Variants in PPHLN1 observed in about 807,000 individuals in gnomAD.
PPHLN1 encodes periphilin 1.
Under a neutral mutation model 51.3 loss-of-function variants are expected in PPHLN1, and 29 were observed. The ratio of observed to expected loss-of-function variants is 0.57; its 90% CI spans 0.42 to 0.77. PPHLN1 has a LOEUF of 0.77. Among genes scored for constraint, PPHLN1 ranks in the 30% least tolerant of loss-of-function variants. The pLI is 0.00. For synonymous variants in PPHLN1, 147 were observed against 147.8 expected (o/e 0.99, Z 0.04); for missense variants, 436 against 438.4 (o/e 0.99, Z 0.05).
intron 4 of PPHLN1, among the ~76,000 whole-genome samples, chr12:42,360,947 A>G (rs937202743): frequency 2.0e-5 from 3 of 152,104 alleles, no homozygotes; most frequent in Non-Finnish European, 4.4e-5. Flanking sequence ...GATACTTTGA[A>G]ACTATGTGAT....
At chr12:42,437,497 T>C (rs1285121954) in intron 9 of PPHLN1, among the ~76,000 whole-genome samples, 1 of 152,198 alleles carries the variant, frequency 6.6e-6, no homozygotes, top group Non-Finnish European at 1.5e-5. Flanking sequence ...TTCACTTTTG[T>C]GTGATTATTT....
intron 8 of PPHLN1, among the ~76,000 whole-genome samples, chr12:42,396,995 A>C (rs11832055): frequency 0.19 from 29,194 of 149,976 alleles, 3,190 homozygotes; most frequent in African/African-American, 0.29. Context: ...CTGTGACTGC[A>C]TCACTGCACT....
chr12:42,370,815 C>G (rs1004576134), intron 4 of PPHLN1, among the ~76,000 whole-genome samples: 2 of 152,130 alleles, frequency 1.3e-5, no homozygotes, highest in African/African-American at 4.8e-5. Context: ...ACTGACAGAT[C>G]AAATGACTTC....
At chr12:42,354,563 T>C (rs1173847571) in intron 3 of PPHLN1, among the ~76,000 whole-genome samples, 1 of 152,204 alleles carries the variant, frequency 6.6e-6, no homozygotes, top group Non-Finnish European at 1.5e-5. Context: ...ATGGTTCTTT[T>C]TTATGTACCT....
At position 42,401,337 on chromosome 12, in the gene PPHLN1, C is replaced by T. The variant is rs1218927545; in HGVS notation, c.909+2343C>T. 5.3e-5 allele frequency among the ~76,000 whole-genome samples: 8 copies of T among 152,184 alleles called. No individual in the cohort carries two copies. In the East Asian group the frequency reaches 1.2e-3, roughly 22 times the overall value. On this transcript the variant is annotated intron_variant, in intron 9 of 9. Coordinates refer to ENST00000358314, the MANE Select transcript of PPHLN1 (RefSeq NM_201439.2). ...GAGAAAAGAACAAGTACCATGAATT[C>T]GTTTTTAAACCTCTTTGGCTCTTTC...
intron 9 of PPHLN1, among the ~76,000 whole-genome samples, chr12:42,417,911 A>G (rs962952526): frequency 2.3e-4 from 35 of 149,184 alleles, no homozygotes; most frequent in Non-Finnish European, 3.7e-4. Flanking sequence ...AAGAAAAAAA[A>G]AAGCCCTAGT....
At chr12:42,336,075 AT>A (rs2070612804) in intron 2 of PPHLN1, 101 bp downstream of exon 2, 1 of 687,128 alleles carries the variant, frequency 1.5e-6, no homozygotes, top group Non-Finnish European at 2.3e-6. Flanking sequence ...AGTGTCAGAA[AT>A]TTACCAGTGT....
intron 7 of PPHLN1, among the ~76,000 whole-genome samples, chr12:42,390,997 A>G (rs188541557): frequency 1.2e-3 from 175 of 152,166 alleles, no homozygotes; most frequent in Non-Finnish European, 2.0e-3. Context: ...GAATCAAAAT[A>G]TCACAATTTT....
downstream of PPHLN1, chr12:42,446,933 A>T (rs2083350808): frequency 3.3e-6 from 1 of 307,194 alleles, no homozygotes; most frequent in East Asian, 5.2e-5. Flanking sequence ...TGCTCCCTGC[A>T]AAGGGGGGCG....
At chr12:42,365,587 C>T (rs2138561050) in intron 4 of PPHLN1, among the ~76,000 whole-genome samples, 1 of 151,510 alleles carries the variant, frequency 6.6e-6, no homozygotes, top group South Asian at 2.1e-4. Flanking sequence ...CAAAAATCTG[C>T]TTTTCAAATA....
intron 9 of PPHLN1, among the ~76,000 whole-genome samples, chr12:42,437,810 G>A (rs1405858857): frequency 6.6e-6 from 1 of 152,058 alleles, no homozygotes; most frequent in Non-Finnish European, 1.5e-5. Context: ...AATTTCATCT[G>A]CCTAAGAAAT....
chr12:42,402,359 A>G (rs867168865), intron 9 of PPHLN1, among the ~76,000 whole-genome samples: 11 of 152,290 alleles, frequency 7.2e-5, no homozygotes, highest in South Asian at 4.1e-4. Context: ...CCTTATTACA[A>G]TTAGCTAAGA....
At chr12:42,446,327 C>A (rs771853745), downstream of PPHLN1, 15 of 1,541,288 alleles carry the variant, frequency 9.7e-6, no homozygotes, top group Non-Finnish European at 1.3e-5. Flanking sequence ...TTGCCTGTTA[C>A]CCGTACCTAC....
chr12:42,352,994 C>T (rs2138240103), intron 3 of PPHLN1, among the ~76,000 whole-genome samples: 2 of 151,818 alleles, frequency 1.3e-5, no homozygotes, highest in African/African-American at 4.8e-5. Flanking sequence ...GAGGCTGAGG[C>T]AGGAGAATTG....
intron 5 of PPHLN1, chr12:42,375,315 G>GTTTTT (rs5797791): frequency 2.9e-4 from 43 of 149,056 alleles, no homozygotes; most frequent in South Asian, 1.1e-3. Flanking sequence ...CATGTAAAAG[G>GTTTTT]TTTTTTTTTT....
intron 9 of PPHLN1, chr12:42,399,896 C>G (rs2078635087): frequency 6.7e-6 from 1 of 149,620 alleles, no homozygotes; most frequent in Admixed American, 6.7e-5. Flanking sequence ...TGAGAAAATT[C>G]TGTTTAATTT....
intron 4 of PPHLN1, among the ~76,000 whole-genome samples, chr12:42,360,912 T>TC (rs2074606238): frequency 6.6e-6 from 1 of 152,156 alleles, no homozygotes; most frequent in Admixed American, 6.6e-5. Flanking sequence ...AAGTTGTCCT[T>TC]CCCCCTGAAA....
In PPHLN1 at chr12:42,345,903, T is replaced by A. The variant is rs557344439; in HGVS notation, c.73-5982T>A. On this transcript the variant is annotated intron_variant, in intron 2 of 9. Transcript: ENST00000358314. Reference sequence around the variant, plus strand: ...GGTATTTTCCTCTTTTTTCTTTCCATTTTTTATTTTTGTTTACTTATTTTT... The same window carrying A: ...GGTATTTTCCTCTTTTTTCTTTCCAATTTTTATTTTTGTTTACTTATTTTT... Among the ~76,000 whole-genome samples the A allele has an allele frequency of 4.6e-5, 7 of 152,212 alleles. No homozygotes were observed. In the East Asian group the frequency reaches 1.3e-3, roughly 29 times the overall value.
At chr12:42,437,968 T>C (rs944084438) in intron 9 of PPHLN1, among the ~76,000 whole-genome samples, 1 of 152,236 alleles carries the variant, frequency 6.6e-6, no homozygotes, top group African/African-American at 2.4e-5. Context: ...GACTGGCTTC[T>C]TTCACTTAAG....
Sources: gnomAD v4.1 joint callset for allele counts (sites outside exome capture counted in the v4.1 genomes callset) on GRCh38, gnomAD v4.1.1 for gene constraint, MANE v1.5 for transcripts, NCBI Gene and HGNC (gene_info 2026-07-23, HGNC 2026-07-21) for gene names.